CCDC88C: variants seen among roughly 807,000 people sequenced by gnomAD.
CCDC88C encodes the protein coiled-coil and HOOK domain protein 88C, also known as protein Daple.
A neutral mutation model predicts 198.8 loss-of-function variants in CCDC88C; 131 were observed. The ratio of observed to expected loss-of-function variants is 0.66; its 90% CI spans 0.57 to 0.76. CCDC88C has a LOEUF of 0.76. Among genes scored for constraint, CCDC88C ranks in the 30% least tolerant of loss-of-function variants. The pLI, the probability that CCDC88C is intolerant of heterozygous loss-of-function variation, is 0.00. For missense variants in CCDC88C, 2,553 were observed against 2,631.6 expected (o/e 0.97, Z 0.65); for synonymous variants, 1,166 against 1,114.7 (o/e 1.05, Z -0.92).
chr14:91,360,133 G>A (rs1254093356), intron 3 of CCDC88C, among the ~76,000 whole-genome samples: 1 of 151,984 alleles, frequency 6.6e-6, no homozygotes, highest in Non-Finnish European at 1.5e-5. Context: ...TAAAAAATAA[G>A]GAGGCCAGGC....
In CCDC88C at chr14:91,411,760, C is replaced by T. The variant is rs191841102; in HGVS notation, c.162-2993G>A. 4.1e-3 allele frequency among the ~76,000 whole-genome samples: 627 copies of T among 152,158 alleles called. 15 individuals are homozygous for T. Among genetic ancestry groups the T allele is most frequent in the Admixed American group, 0.037 (559 of 15,280 alleles). On this transcript the variant is annotated intron_variant, in intron 2 of 29. Transcript: ENST00000389857. ...AGAGGATCACTTGAGGTCAGGAGTT[C>T]GAGACCAGCCTGGCCAACATGGTGA...
chr14:91,286,693 T>C (rs184419035), intron 25 of CCDC88C, among the ~76,000 whole-genome samples: 408 of 152,364 alleles, frequency 2.7e-3, no homozygotes, highest in African/African-American at 9.2e-3. Flanking sequence ...GCTGGTGTCC[T>C]TGTGGCCAGT....
rs776674746 is a variant in CCDC88C at position 91,417,616 on chromosome 14, G to T, written c.60+15C>A. On this transcript the variant is annotated intron_variant, in intron 1 of 29. Transcript: ENST00000389857. ...CGGTGCACCAACAAAGGGGCGGGGA[G>T]CCAGGCGCACTCACCCAGGTCACCA... The T allele has an allele frequency of 2.1e-5, 33 of 1,583,140 alleles. No individual in the cohort carries two copies. The Admixed American group carries it at 4.2e-4, about 20-fold the overall frequency.
chr14:91,316,387 C>T lies in CCDC88C; in HGVS notation c.1528-600G>A, dbSNP rs530570970. ...AGGTCCTTATGCTCCCCGTTGCACA[C>T]GAGTGCCCGCCTTGCTGAAATGCAG... On this transcript the variant is annotated intron_variant, in intron 13 of 29. Transcript: ENST00000389857. Among the ~76,000 whole-genome samples the T allele has an allele frequency of 5.3e-5, 8 of 152,160 alleles. No individual in the cohort carries two copies. The East Asian group carries it at 9.7e-4, about 18-fold the overall frequency.
intron 23 of CCDC88C, among the ~76,000 whole-genome samples, chr14:91,292,777 T>C (rs1206960427): frequency 6.6e-6 from 1 of 152,126 alleles, no homozygotes; most frequent in Non-Finnish European, 1.5e-5. Flanking sequence ...GAAACCACTC[T>C]AGATTCTCGA....
rs946793400 is a variant in CCDC88C, at chr14:91,371,355, A to G, written c.271-11644T>C. Among the ~76,000 whole-genome samples the G allele has an allele frequency of 6.6e-6, 1 of 152,076 alleles. No individual in the cohort carries two copies. The highest frequency in any genetic ancestry group is 1.5e-5 in the Non-Finnish European group (1 of 68,014). On this transcript the variant is annotated intron_variant, in intron 3 of 29. Transcript: ENST00000389857. The surrounding 1 kb of genome is among the most constrained non-coding windows in gnomAD (Gnocchi z 4.2). ...GGGGCAGAGAAAGTGTGGCCAGAGG[A>G]AACTACGGTATGCATGCAGGGTGGG...
At chr14:91,393,722 C>T (rs1362913231) in intron 3 of CCDC88C, among the ~76,000 whole-genome samples, 1 of 152,214 alleles carries the variant, frequency 6.6e-6, no homozygotes, top group African/African-American at 2.4e-5. Flanking sequence ...GGCATGGTGG[C>T]CCATGCCTGT....
chr14:91,295,985 G>A (rs1340583428), intron 22 of CCDC88C, among the ~76,000 whole-genome samples: 1 of 152,242 alleles, frequency 6.6e-6, no homozygotes, highest in South Asian at 2.1e-4. Context: ...CTGCAAGCCA[G>A]GGAGAGGCCT....
intron 13 of CCDC88C, among the ~76,000 whole-genome samples, 200 bp downstream of exon 13, chr14:91,320,920 C>T (rs546350898): frequency 1.3e-5 from 2 of 152,348 alleles, no homozygotes; most frequent in South Asian, 4.1e-4. Context: ...GACAGGGCCA[C>T]GCCTCCTCTG....
Position 91,320,024 on chromosome 14 carries a change from C to CAAAA in CCDC88C, c.1527+1092_1527+1095dup, listed in dbSNP as rs61102058. Among the ~76,000 whole-genome samples, 62 of 24,162 alleles carry CAAAA rather than the reference C, an allele frequency of 2.6e-3. 5 individuals are homozygous for CAAAA. Among genetic ancestry groups the CAAAA allele is most frequent in the African/African-American group, 5.3e-3 (50 of 9,490 alleles). The allele number at this position is 24,162 out of a possible 152,430, so 15.9% of individuals were successfully genotyped here. On this transcript the variant is annotated intron_variant, in intron 13 of 29. Coordinates refer to ENST00000389857, the MANE Select transcript of CCDC88C (RefSeq NM_001080414.4). ...GGGCAACAAGAACAAAACTCAGTCT[C>CAAAA]AAAAAAAAAAAAAAAAAAAAAAAAA...
chr14:91,292,086 G>C (rs1890685822), intron 23 of CCDC88C, among the ~76,000 whole-genome samples: 1 of 152,148 alleles, frequency 6.6e-6, no homozygotes, highest in Non-Finnish European at 1.5e-5. Context: ...TCTCGAAGCT[G>C]CCAAGGTCCT....
chr14:91,291,043 TC>T lies in CCDC88C; in HGVS notation c.4153del (p.Glu1385LysfsTer27). ...NALRRHKEKL[E>X]EKIMDQYKFY... The stretch of plus-strand genomic sequence containing the variant: ...CTTGTATTGATCCATGATTTTTTCT[TC>T]CAGCTTTTCCTTATGTCTTCGTAAG... On this transcript the variant is annotated frameshift_variant, in exon 24 of 30. Transcript: ENST00000389857. LOFTEE classifies it high-confidence loss of function. The T allele has an allele frequency of 6.3e-7, 1 of 1,589,680 alleles. No individual in the cohort carries two copies. The highest frequency in any genetic ancestry group is 8.6e-7 in the Non-Finnish European group (1 of 1,164,894).
At chr14:91,370,545 C>A (rs1030421780) in intron 3 of CCDC88C, among the ~76,000 whole-genome samples, 2 of 152,216 alleles carry the variant, frequency 1.3e-5, no homozygotes, top group East Asian at 3.9e-4. Context: ...AAGAAGGGGG[C>A]GGGGGGCAGC....
At chr14:91,295,940 T>G (rs373662835) in intron 22 of CCDC88C, among the ~76,000 whole-genome samples, 11 of 152,126 alleles carry the variant, frequency 7.2e-5, no homozygotes, top group African/African-American at 2.7e-4. Flanking sequence ...ACGTAGATAC[T>G]GGGAATGAGC....
At chr14:91,285,264 A>G (rs1041496534) in intron 25 of CCDC88C, 3 of 255,806 alleles carry the variant, frequency 1.2e-5, no homozygotes, top group Non-Finnish European at 2.4e-5. Context: ...GTCTTAAAAA[A>G]AACCCTCACT....
chr14:91,274,119 A>G (rs534274953), intron 29 of CCDC88C, among the ~76,000 whole-genome samples: 1 of 151,474 alleles, frequency 6.6e-6, no homozygotes, highest in Admixed American at 6.6e-5. Flanking sequence ...AAGAGGAACA[A>G]GAGCAGCTCT....
rs771601735 is a variant in CCDC88C, at chr14:91,326,036, G to C, written c.1071C>G (p.Ile357Met). Residue 357 changes from isoleucine to methionine, a missense_variant, in exon 11 of 30, where the codon ATC becomes ATG. Ile to Met is a conservative substitution (Grantham distance 10, BLOSUM62 1). This residue lies in a region of CCDC88C where 1,260 missense variants were observed against 1,412.0 expected (regional missense o/e 0.89). Transcript: ENST00000389857. ...GCATGGCCTTGGTTTCAATTAAAAT[G>C]ATATTATCTTCTCTCAGCTCCTGGT... ...ARMEELREDN[I>M]ILIETKAMLE... 6.2e-7 allele frequency: 1 copy of C among 1,609,106 alleles called. No homozygotes were observed. Among genetic ancestry groups the C allele is most frequent in the Non-Finnish European group, 8.5e-7 (1 of 1,177,630 alleles).
chr14:91,401,931 A>C (rs987662395), intron 3 of CCDC88C, among the ~76,000 whole-genome samples: 1 of 152,196 alleles, frequency 6.6e-6, no homozygotes, highest in Non-Finnish European at 1.5e-5. Flanking sequence ...CACAAGTTTA[A>C]CGTGTTCTTT....
chr14:91,387,619 A>C (rs1008033708), intron 3 of CCDC88C, among the ~76,000 whole-genome samples: 5 of 152,178 alleles, frequency 3.3e-5, no homozygotes, highest in African/African-American at 1.2e-4. Flanking sequence ...CAGACTAGAC[A>C]GGCCTCCTCC....
Sources: gnomAD v4.1 joint callset for allele counts (sites outside exome capture counted in the v4.1 genomes callset) on GRCh38, gnomAD v4.1.1 for gene constraint, gnomAD v4.1.1 regional missense constraint, Gnocchi (gnomAD v3.1) non-coding constraint, MANE v1.5 for transcripts, NCBI Gene and HGNC (gene_info 2026-07-23, HGNC 2026-07-21) for gene names.